ITIH1: variants seen among roughly 807,000 people sequenced by gnomAD.
ITIH1 encodes inter-alpha-trypsin inhibitor heavy chain H1.
ITIH1 carries 94 observed loss-of-function variants against 104.6 expected under a neutral mutation model. The observed-to-expected ratio is 0.90, with a 90% CI of 0.76 to 1.07. The LOEUF (loss-of-function observed/expected upper bound fraction) is 1.07, where lower values mean the gene tolerates loss of function less well. Among genes scored for constraint, ITIH1 ranks in the 50% least tolerant of loss-of-function variants. The pLI is 0.00. For synonymous variants in ITIH1, 455 were observed against 464.4 expected (o/e 0.98, Z 0.26); for missense variants, 1,193 against 1,181.4 (o/e 1.01, Z -0.14).
At chr3:52,782,580 G>GACC (rs1699092382) in intron 8 of ITIH1, among the ~76,000 whole-genome samples, 1 of 105,416 alleles carries the variant, frequency 9.5e-6, no homozygotes, top group Non-Finnish European at 2.0e-5. Context: ...AATTACGGTG[G>GACC]TCCGTGGGGA....
rs757064410 is a variant in ITIH1 at position 52,780,273 on chromosome 3, A to C, written c.578A>C (p.Asp193Ala). The C allele has an allele frequency of 6.2e-7, 1 of 1,609,912 alleles. No homozygotes were observed. The highest frequency in any genetic ancestry group is 1.7e-5 in the Admixed American group (1 of 59,694). Reference sequence around the variant, plus strand: ...TAATTTGCTTCAATGTTGCAGATTGATGTGGACATCTTCGAGCCCCAGGGG... The same window carrying C: ...TAATTTGCTTCAATGTTGCAGATTGCTGTGGACATCTTCGAGCCCCAGGGG... ...PKQLVHHFEI[D>A]VDIFEPQGIS... Residue 193 changes from aspartate to alanine, a missense_variant, in exon 6 of 22, where the codon GAT becomes GCT. Asp to Ala is a moderately radical substitution (Grantham distance 126, BLOSUM62 -2). Transcript: ENST00000273283.
At chr3:52,781,371 T>G (rs1036144361) in intron 6 of ITIH1, among the ~76,000 whole-genome samples, 5 of 151,818 alleles carry the variant, frequency 3.3e-5, no homozygotes, top group Admixed American at 6.6e-5. Flanking sequence ...TTCTGCTGCT[T>G]CTTCTTCCTT....
intron 6 of ITIH1, 78 bp downstream of exon 6, chr3:52,780,460 C>A: frequency 1.0e-6 from 1 of 989,450 alleles, no homozygotes; most frequent in Non-Finnish European, 1.5e-6. Context: ...GAATGTCCAG[C>A]CTTAGCCCAG....
chr3:52,778,706 C>T (rs1246062936), intron 3 of ITIH1, 200 bp downstream of exon 3: 1 of 1,424,416 alleles, frequency 7.0e-7, no homozygotes, highest in East Asian at 2.5e-5. Flanking sequence ...AACTGGGACC[C>T]ATCACAGCAT....
chr3:52,787,690 T>A (rs1578740042), intron 16 of ITIH1, 78 bp downstream of exon 16: 2 of 1,484,542 alleles, frequency 1.3e-6, no homozygotes, highest in East Asian at 2.3e-5. Context: ...TCCTCCGTTC[T>A]AGCTGTCTTC....
chr3:52,777,801 G>A, intron 1 of ITIH1, 69 bp downstream of exon 1: 1 of 1,446,282 alleles, frequency 6.9e-7, no homozygotes. Flanking sequence ...CGGGACACAA[G>A]ACCCCCATTC....
In ITIH1 at chr3:52,781,210, TCTTCTTCTTCTTC is replaced by T. The variant is rs1316859606; in HGVS notation, c.688-729_688-717del. Among the ~76,000 whole-genome samples, 99 of 21,240 alleles carry T rather than the reference TCTTCTTCTTCTTC, an allele frequency of 4.7e-3. 5 individuals carry two copies. The highest frequency in any genetic ancestry group is 6.1e-3 in the Non-Finnish European group (63 of 10,256). 13.9% of individuals were successfully genotyped at this position (21,240 alleles called of 152,430 possible). Reference sequence around the variant, plus strand: ...CCTCCTCCTCTTCTTTTTTTTTTTTTCTTCTTCTTCTTCTTCTTCTTCTTCTTCTTCTTCTTCT... The same window carrying T: ...CCTCCTCCTCTTCTTTTTTTTTTTTTTTCTTCTTCTTCTTCTTCTTCTTCT... On this transcript the variant is annotated intron_variant, in intron 6 of 21. Transcript: ENST00000273283.
rs1699109057 is a variant in ITIH1, at chr3:52,783,223, T to G, written c.1109T>G (p.Leu370Arg). The G allele has an allele frequency of 6.2e-7, 1 of 1,614,058 alleles. No individual in the cohort carries two copies. The highest frequency in any genetic ancestry group is 8.5e-7 in the Non-Finnish European group (1 of 1,180,012). ...RGFSLDEATN[L>R]NGGLLRGIEI... ...TTTCTCTTCCTTGCAGCCACAAACC[T>G]GAATGGAGGTTTGCTCCGGGGAATT... is the stretch of plus-strand genomic sequence containing the variant. Residue 370 changes from leucine (L) to arginine (R), a missense_variant, in exon 10 of 22, where the codon CTG becomes CGG. Leu to Arg is a moderately radical substitution (Grantham distance 102, BLOSUM62 -2). Coordinates refer to ENST00000273283, the MANE Select transcript of ITIH1 (RefSeq NM_002215.4).
intron 15 of ITIH1, 28 bp from the exon 16 acceptor site, chr3:52,787,564 T>G: frequency 6.2e-7 from 1 of 1,614,046 alleles, no homozygotes; most frequent in Non-Finnish European, 8.5e-7. Context: ...TGACACTGTC[T>G]TCGATAATAT....
In ITIH1 at chr3:52,779,614, G is replaced by T. The variant is rs925120866; in HGVS notation, c.573+20G>T. ...TTTGAGGTAGATCACAGGTCCCGGGGCAGGGGTCCTGCCCCTCTCTCCGTC... is the reference window on the plus strand; with the variant it reads ...TTTGAGGTAGATCACAGGTCCCGGGTCAGGGGTCCTGCCCCTCTCTCCGTC... On this transcript the variant is annotated intron_variant, in intron 5 of 21. Transcript: ENST00000273283. The surrounding 1 kb of genome is among the most constrained non-coding windows in gnomAD (Gnocchi z 4.4). 6.2e-7 allele frequency: 1 copy of T among 1,613,738 alleles called. No homozygotes were observed.
Position 52,779,781 on chromosome 3 carries a change from C to T in ITIH1, c.573+187C>T. 2 of 1,053,348 alleles carry T rather than the reference C, an allele frequency of 1.9e-6. No individual in the cohort carries two copies. Among genetic ancestry groups the T allele is most frequent in the African/African-American group, 3.2e-5 (2 of 62,484 alleles). The allele number at this position is 1,053,348 out of a possible 1,614,324, so 65.3% of individuals were successfully genotyped here. On this transcript the variant is annotated intron_variant, in intron 5 of 21. Transcript: ENST00000273283. The surrounding 1 kb of genome is among the most constrained non-coding windows in gnomAD (Gnocchi z 4.4). ...AACTCCCTGAATTCTCTAACTTCCT[C>T]TTTATCTCTGAGCTTCGGTTTGCTC... is the stretch of plus-strand genomic sequence containing the variant.
chr3:52,786,452 GC>G lies in ITIH1; in HGVS notation c.1733+22del. ...GCCAAGCGGTAGGGCACCTGCAGCT[GC>G]CCCAGGTGGGCACTGCCCACCCCAG... On this transcript the variant is annotated intron_variant, in intron 13 of 21. Transcript: ENST00000273283. The G allele has an allele frequency of 1.3e-6, 2 of 1,564,330 alleles. No individual in the cohort carries two copies. Among genetic ancestry groups the G allele is most frequent in the South Asian group, 1.2e-5 (1 of 85,054 alleles).
intron 20 of ITIH1, 97 bp downstream of exon 20, chr3:52,791,018 C>T (rs1392182648): frequency 7.9e-7 from 1 of 1,271,392 alleles, no homozygotes; most frequent in Non-Finnish European, 1.1e-6. Flanking sequence ...AGCTGGGCAC[C>T]AGGACAGGCC....
chr3:52,786,322 C>A lies in ITIH1; in HGVS notation c.1621C>A (p.Leu541Ile). ...GEGQEFSITC[L>I]VDEEEMKKLL... is the part of the protein sequence containing the mutation. ...GGGACAAGAATTCAGTATAACCTGC[C>A]TAGTGGATGAGGAGGAGATGAAGAA... Residue 541 changes from leucine (L) to isoleucine (I), a missense_variant, in exon 13 of 22, where the codon CTA becomes ATA. Leu to Ile is a conservative substitution (Grantham distance 5, BLOSUM62 2). Transcript: ENST00000273283. 1 of 1,572,584 alleles carries A rather than the reference C, an allele frequency of 6.4e-7. No homozygotes were observed. Among genetic ancestry groups the A allele is most frequent in the Non-Finnish European group, 8.6e-7 (1 of 1,157,820 alleles).
chr3:52,785,124 C>A lies in ITIH1; in HGVS notation c.1488C>A (p.Thr496=). The change falls in exon 12 of 22, where the codon ACC becomes ACA. Residue 496 remains threonine (T), a synonymous_variant. Transcript: ENST00000273283. The part of the protein sequence containing the change: ...QYPQDAVLAL[T]QNHHKQYYEG... ...CCCAGGATGCTGTCTTGGCCCTGAC[C>A]CAGAACCACCATAAACAGTACTACG... 6.2e-7 allele frequency: 1 copy of A among 1,614,080 alleles called. No homozygotes were observed. Among genetic ancestry groups the A allele is most frequent in the Non-Finnish European group, 8.5e-7 (1 of 1,180,010 alleles).
At chr3:52,778,864 C>T (rs1472800832) in intron 3 of ITIH1, 78 bp from the exon 4 acceptor site, 19 of 1,174,162 alleles carry the variant, frequency 1.6e-5, no homozygotes, top group Non-Finnish European at 2.3e-5. Flanking sequence ...TATCCAAGGG[C>T]TCACATGGAC....
At chr3:52,789,432 T>C (rs4687551) in intron 18 of ITIH1, among the ~76,000 whole-genome samples, 55,446 of 151,802 alleles carry the variant, frequency 0.37, 10,319 homozygotes, top group Admixed American at 0.45. Flanking sequence ...GACCCAGAAC[T>C]GAGAGCTGAG....
At position 52,781,292 on chromosome 3, in the gene ITIH1, C is replaced by T. The variant is rs968043827; in HGVS notation, c.688-648C>T. 8.0e-4 allele frequency among the ~76,000 whole-genome samples: 97 copies of T among 121,884 alleles called. 6 individuals are homozygous for T. Among genetic ancestry groups the T allele is most frequent in the Middle Eastern group, 4.5e-3 (1 of 220 alleles). The allele number at this position is 121,884 out of a possible 152,430, so 80.0% of individuals were successfully genotyped here. A position where few individuals can be genotyped will look rare whatever the true frequency, so the allele number is the denominator to read the frequency against. On this transcript the variant is annotated intron_variant, in intron 6 of 21. Transcript: ENST00000273283. ...TCTTCTTCTTCTTCTTCTTCCTCTT[C>T]TTCTTCTTCTGCTTCTTCTTCTCCT...
At position 52,777,680 on chromosome 3, in the gene ITIH1, T is replaced by C; in HGVS notation, c.65T>C (p.Leu22Pro). 1 of 1,606,254 alleles carries C rather than the reference T, an allele frequency of 6.2e-7. No individual in the cohort carries two copies. Among genetic ancestry groups the C allele is most frequent in the Non-Finnish European group, 8.5e-7 (1 of 1,176,472 alleles). The change falls in exon 1 of 22, where the codon CTG becomes CCG. Residue 22 changes from leucine to proline, a missense_variant. By Grantham distance (98) the Leu-to-Pro change is moderately conservative. Coordinates refer to ENST00000273283, the MANE Select transcript of ITIH1 (RefSeq NM_002215.4). ...LCMYLVSLLI[L>P]QAMPALGSAT... is the part of the protein sequence containing the mutation. ...ATGTACCTGGTATCTCTCCTCATCC[T>C]GCAGGCCATGCCTGCCCTGGGCTCG... is the stretch of plus-strand genomic sequence containing the variant.
Sources: gnomAD v4.1 joint callset for allele counts (sites outside exome capture counted in the v4.1 genomes callset) on GRCh38, gnomAD v4.1.1 for gene constraint, Gnocchi (gnomAD v3.1) non-coding constraint, MANE v1.5 for transcripts, NCBI Gene and HGNC (gene_info 2026-07-23, HGNC 2026-07-21) for gene names.